ADGRE3: variants seen among roughly 807,000 people sequenced by gnomAD.
ADGRE3 encodes EGF-like module receptor 3.
A neutral mutation model predicts 80.1 loss-of-function variants in ADGRE3; 88 were observed. The ratio of observed to expected loss-of-function variants is 1.10; its 90% CI spans 0.93 to 1.31. The LOEUF is 1.31. ADGRE3 is among the 40% of genes most tolerant of loss of function. ADGRE3 has a pLI of 0.00. For synonymous variants in ADGRE3, 281 were observed against 294.8 expected, an observed-to-expected ratio of 0.95 and a Z score of 0.48; for missense variants, 715 against 776.5, an observed-to-expected ratio of 0.92 and a Z score of 0.94.
At chr19:14,621,323 C>T (rs953788351) in intron 15 of ADGRE3, among the ~76,000 whole-genome samples, 4 of 151,546 alleles carry the variant, frequency 2.6e-5, no homozygotes, top group South Asian at 4.2e-4. Context: ...GGTGTGGTGG[C>T]GGGCGCATGT....
the ADGRE3 span, among the ~76,000 whole-genome samples, chr19:14,612,933 T>A: frequency 5.2e-3 from 320 of 61,668 alleles, no homozygotes; most frequent in African/African-American, 0.011. Flanking sequence ...CAATTTATTT[T>A]TTTTTTTTTT....
chr19:14,650,937 T>G lies in ADGRE3; in HGVS notation c.697+148A>C, dbSNP rs1568491165. 16 of 747,390 alleles carry G rather than the reference T, an allele frequency of 2.1e-5. 1 individual carries two copies. The South Asian group carries it at 3.4e-4, about 16-fold the overall frequency. The allele number at this position is 747,390 out of a possible 1,614,324, so 46.3% of individuals were successfully genotyped here. A position where few individuals can be genotyped will look rare whatever the true frequency, so the allele number is the denominator to read the frequency against. Reference sequence around the variant, plus strand: ...AAACCTCCATTTTGGGAAAATGTCTTTTTTTTTTTTTTAAAGGGAAAATCT... The same window carrying G: ...AAACCTCCATTTTGGGAAAATGTCTGTTTTTTTTTTTTAAAGGGAAAATCT... On this transcript the variant is annotated intron_variant, in intron 7 of 15. Transcript: ENST00000253673.
chr19:14,670,391 A>G lies in ADGRE3; in HGVS notation c.26-1539T>C, dbSNP rs150480246. ...CTGAAAGTCACCTGGCTCTACTTCC[A>G]TCATATTCCCTTGGTTACAAGCAAG... On this transcript the variant is annotated intron_variant, in intron 1 of 15. Coordinates refer to ENST00000253673, the MANE Select transcript of ADGRE3 (RefSeq NM_032571.5). Among the ~76,000 whole-genome samples, 1,186 of 152,316 alleles carry G rather than the reference A, an allele frequency of 7.8e-3. 8 individuals carry two copies. The highest frequency in any genetic ancestry group is 0.012 in the Non-Finnish European group (816 of 68,028).
chr19:14,648,006 C>T (rs867293570), intron 7 of ADGRE3, among the ~76,000 whole-genome samples: 24 of 143,910 alleles, frequency 1.7e-4, no homozygotes, highest in Admixed American at 8.9e-4. Flanking sequence ...CGCTTGAACC[C>T]AAGAGGCGGA....
At chr19:14,634,063 C>CA (rs1970965414) in intron 11 of ADGRE3, among the ~76,000 whole-genome samples, 1 of 152,084 alleles carries the variant, frequency 6.6e-6, no homozygotes, top group Admixed American at 6.6e-5. Context: ...AGGCGTGAGC[C>CA]ACCACGCCCG....
At chr19:14,665,055 A>AT (rs916325882) in intron 2 of ADGRE3, among the ~76,000 whole-genome samples, 6,513 of 89,858 alleles carry the variant, frequency 0.072, 1,156 homozygotes, top group African/African-American at 0.092. Flanking sequence ...GAGCAACCTC[A>AT]TTTTTTTTTT....
In ADGRE3 at chr19:14,622,293, C is replaced by A. The variant is rs1413350823; in HGVS notation, c.1921-2822G>T. ...TTGAAAATAATGTTGTAATTCATGCCAGGGACTGACAAAAGACTTGAGACA... is the reference window on the plus strand; with the variant it reads ...TTGAAAATAATGTTGTAATTCATGCAAGGGACTGACAAAAGACTTGAGACA... On this transcript the variant is annotated intron_variant, in intron 15 of 15. Coordinates refer to ENST00000253673, the MANE Select transcript of ADGRE3 (RefSeq NM_032571.5). 7 of 570,318 alleles carry A rather than the reference C, an allele frequency of 1.2e-5. 1 individual carries two copies. The highest frequency in any genetic ancestry group is 2.1e-5 in the Non-Finnish European group (7 of 331,690). 35.3% of individuals were successfully genotyped at this position (570,318 alleles called of 1,614,324 possible). A position where few individuals can be genotyped will look rare whatever the true frequency, so the allele number is the denominator to read the frequency against.
chr19:14,620,449 T>C (rs181056425), intron 15 of ADGRE3, among the ~76,000 whole-genome samples: 16 of 132,032 alleles, frequency 1.2e-4, no homozygotes, highest in Non-Finnish European at 1.3e-4. Context: ...TATATTCATG[T>C]ATATATGAAT....
intron 11 of ADGRE3, among the ~76,000 whole-genome samples, chr19:14,636,772 C>G (rs150656836): frequency 8.0e-4 from 122 of 152,130 alleles, no homozygotes; most frequent in African/African-American, 2.8e-3. Flanking sequence ...CTTTACTGCT[C>G]TATAGGTAAC....
At chr19:14,635,885 A>T (rs1472575337) in intron 11 of ADGRE3, among the ~76,000 whole-genome samples, 1 of 152,162 alleles carries the variant, frequency 6.6e-6, no homozygotes, top group Admixed American at 6.5e-5. Flanking sequence ...AGTGAGGCAT[A>T]AAACCTAACT....
chr19:14,635,745 C>T (rs1033585865), intron 11 of ADGRE3, among the ~76,000 whole-genome samples: 13 of 151,936 alleles, frequency 8.6e-5, no homozygotes, highest in African/African-American at 3.1e-4. Context: ...AAATCCTGCC[C>T]CAAAGTGAAC....
chr19:14,648,998 C>T (rs749181825), intron 7 of ADGRE3, among the ~76,000 whole-genome samples: 25 of 143,800 alleles, frequency 1.7e-4, no homozygotes, highest in Non-Finnish European at 2.6e-4. Flanking sequence ...CTCTCTCTTT[C>T]GATCTCTCTT....
intron 8 of ADGRE3, 50 bp from the exon 9 acceptor site, chr19:14,644,325 CTT>C (rs745702526): frequency 2.1e-3 from 2,123 of 1,022,820 alleles, no homozygotes; most frequent in South Asian, 4.7e-3. Context: ...TTCTTTCTTT[CTT>C]TTTTTTTTTT....
chr19:14,615,686 C>G (rs927075277), downstream of ADGRE3, among the ~76,000 whole-genome samples: 1 of 149,820 alleles, frequency 6.7e-6, no homozygotes, highest in Non-Finnish European at 1.5e-5. Context: ...TGCTTGAACC[C>G]GGGAGGCGAA....
At chr19:14,609,847 A>T in the ADGRE3 span, among the ~76,000 whole-genome samples, 1 of 144,908 alleles carries the variant, frequency 6.9e-6, no homozygotes, top group African/African-American at 2.6e-5. Context: ...CCAAAACAAA[A>T]CAAAACAAAA....
rs996985199 is a variant in ADGRE3 at position 14,633,316 on chromosome 19, G to A, written c.1485-14C>T. 6.2e-7 allele frequency: 1 copy of A among 1,601,912 alleles called. No individual in the cohort carries two copies. The highest frequency in any genetic ancestry group is 8.5e-7 in the Non-Finnish European group (1 of 1,170,938). ...TGGAGCCAGCATCTAGGAACAGTGGGAAAAGAGATACAAAGAGAGATCAGA... is the reference window on the plus strand; with the variant it reads ...TGGAGCCAGCATCTAGGAACAGTGGAAAAAGAGATACAAAGAGAGATCAGA... On this transcript the variant is annotated splice_polypyrimidine_tract_variant and intron_variant, in intron 11 of 15. Transcript: ENST00000253673.
intron 4 of ADGRE3, among the ~76,000 whole-genome samples, chr19:14,660,859 G>C (rs968873876): frequency 1.3e-5 from 2 of 151,264 alleles, no homozygotes; most frequent in African/African-American, 4.9e-5. Flanking sequence ...GTCTCAGAGA[G>C]AGAGTCAACT....
chr19:14,641,411 G>A lies in ADGRE3; in HGVS notation c.1248+8C>T. 1 of 1,614,064 alleles carries A rather than the reference G, an allele frequency of 6.2e-7. No homozygotes were observed. Among genetic ancestry groups the A allele is most frequent in the Non-Finnish European group, 8.5e-7 (1 of 1,179,962 alleles). ...CAGAAAGGGCATCCTCTGAGACACT[G>A]TCAGTACCTTGGGTTCAGTTCGATC... On this transcript the variant is annotated splice_region_variant and intron_variant, in intron 10 of 15. Transcript: ENST00000253673.
chr19:14,659,822 G>GAAAAAAAAAAAAAAAAAAAAAAA (rs66908687), intron 4 of ADGRE3, among the ~76,000 whole-genome samples: 5 of 44,820 alleles, frequency 1.1e-4, no homozygotes, highest in South Asian at 1.0e-3. Context: ...CTCTGCCTCT[G>GAAAAAAAAAAAAAAAAAAAAAAA]AAAAAAAAAA....
Sources: allele counts gnomAD v4.1 joint callset (sites outside exome capture counted in the v4.1 genomes callset), GRCh38; gene constraint gnomAD v4.1.1; transcripts MANE v1.5; gene names NCBI Gene and HGNC (gene_info 2026-07-23, HGNC 2026-07-21).